Variants in SPNS3 observed in about 807,000 individuals in gnomAD.
SPNS3 encodes protein spinster homolog 3.
A neutral mutation model predicts 54.4 loss-of-function variants in SPNS3; 51 were observed. The ratio of observed to expected loss-of-function variants is 0.94; its 90% CI spans 0.75 to 1.18. SPNS3 has a LOEUF of 1.18. Ranked by LOEUF, SPNS3 falls within the 50% of genes most tolerant of loss-of-function variation. The pLI is 0.00. For synonymous variants in SPNS3, 309 were observed against 294.7 expected (o/e 1.05, Z -0.50); for missense variants, 669 against 677.4 (o/e 0.99, Z 0.14).
intron 7 of SPNS3, among the ~76,000 whole-genome samples, chr17:4,450,007 C>T (rs1418425610): frequency 6.6e-6 from 1 of 152,044 alleles, no homozygotes; most frequent in Non-Finnish European, 1.5e-5. Flanking sequence ...CAAGGACATC[C>T]TTCAATCCTC....
chr17:4,486,077 G>A lies in SPNS3; in HGVS notation c.1180-151G>A. ...GCTTGATGTCTTGATGTTCTGGGGT[G>A]GGACTTTAGACCTTGGGGACCGTCG... On this transcript the variant is annotated intron_variant, in intron 9 of 11. Transcript: ENST00000355530. The surrounding 1 kb of genome is among the most constrained non-coding windows in gnomAD (Gnocchi z 5.5). The A allele has an allele frequency of 1.7e-6, 1 of 588,112 alleles. No individual in the cohort carries two copies. The highest frequency in any genetic ancestry group is 2.7e-5 in the South Asian group (1 of 37,026). The allele number at this position is 588,112 out of a possible 1,614,324, so 36.4% of individuals were successfully genotyped here. A position where few individuals can be genotyped will look rare whatever the true frequency, so the allele number is the denominator to read the frequency against.
intron 11 of SPNS3, among the ~76,000 whole-genome samples, chr17:4,487,192 G>T (rs1046183261): frequency 7.2e-6 from 1 of 139,490 alleles, no homozygotes. Context: ...AAAAAAAAAA[G>T]GGACAGGTAG....
chr17:4,447,684 C>G (rs1055444730), intron 5 of SPNS3, among the ~76,000 whole-genome samples: 1 of 152,142 alleles, frequency 6.6e-6, no homozygotes. Flanking sequence ...TGTTTGAAGG[C>G]TGCCCCAAGG....
At chr17:4,443,257 GAT>G (rs1970899859) in intron 2 of SPNS3, among the ~76,000 whole-genome samples, 1 of 152,130 alleles carries the variant, frequency 6.6e-6, no homozygotes, top group Non-Finnish European at 1.5e-5. Context: ...TTTTAGTAGA[GAT>G]GGGATTTTAC....
intron 8 of SPNS3, among the ~76,000 whole-genome samples, chr17:4,471,911 T>C (rs1971864961): frequency 1.3e-5 from 2 of 151,778 alleles, no homozygotes; most frequent in South Asian, 4.1e-4. Flanking sequence ...CAAGCTGGAG[T>C]GCAGTGGCAC....
chr17:4,449,896 G>T (rs190823265), intron 7 of SPNS3, among the ~76,000 whole-genome samples: 4 of 152,062 alleles, frequency 2.6e-5, no homozygotes, highest in African/African-American at 9.7e-5. Flanking sequence ...GCCCTCTCCC[G>T]CTTCCTGCCT....
chr17:4,481,314 G>T (rs1048905391), intron 9 of SPNS3, among the ~76,000 whole-genome samples: 5 of 151,992 alleles, frequency 3.3e-5, no homozygotes, highest in African/African-American at 1.2e-4. Context: ...GGCAGGAAGT[G>T]TGTGGGGACA....
At chr17:4,461,462 G>T (rs1971505685) in intron 8 of SPNS3, among the ~76,000 whole-genome samples, 1 of 139,880 alleles carries the variant, frequency 7.1e-6, no homozygotes. Context: ...GCCTCCCCAG[G>T]CATTAGGATT....
At position 4,446,159 on chromosome 17, in the gene SPNS3, C is replaced by T. The variant is rs141789307; in HGVS notation, c.514C>T (p.Arg172Cys). 213 of 1,613,076 alleles carry T rather than the reference C, an allele frequency of 1.3e-4. 5 individuals are homozygous for T. Among genetic ancestry groups the T allele is most frequent in the Middle Eastern group, 9.9e-4 (6 of 6,078 alleles). ...GDLFVRDQRT[R>C]VLAVFYIFIP... ...CCTCTTCGTGAGGGACCAGCGCACC[C>T]GCGTGCTGGCTGTCTTCTACATCTT... The change falls in exon 4 of 12, where the codon CGC becomes TGC. Residue 172 changes from arginine (R) to cysteine (C), a missense_variant. By Grantham distance (180) the Arg-to-Cys change is radical. Coordinates refer to ENST00000355530, the MANE Select transcript of SPNS3 (RefSeq NM_182538.5).
chr17:4,464,749 C>T (rs1461717128), intron 8 of SPNS3, among the ~76,000 whole-genome samples: 3 of 152,110 alleles, frequency 2.0e-5, no homozygotes, highest in Non-Finnish European at 4.4e-5. Context: ...GGCGCAATCT[C>T]GGCTCACTGC....
In SPNS3 at chr17:4,486,722, G is replaced by A; in HGVS notation, c.1450+139G>A. On this transcript the variant is annotated intron_variant, in intron 11 of 11. Transcript: ENST00000355530. This position sits in a 1 kb window ranked among gnomAD's most constrained non-coding sequence, Gnocchi z 5.5. ...TAGTACACCCCTGCTATGTACCAGGGAAGGTTGCAGATGCTGGGGAGTGAA... is the reference window on the plus strand; with the variant it reads ...TAGTACACCCCTGCTATGTACCAGGAAAGGTTGCAGATGCTGGGGAGTGAA... 2 of 914,074 alleles carry A rather than the reference G, an allele frequency of 2.2e-6. No homozygotes were observed. Among genetic ancestry groups the A allele is most frequent in the Non-Finnish European group, 3.2e-6 (2 of 627,850 alleles). The allele number at this position is 914,074 out of a possible 1,614,324, so 56.6% of individuals were successfully genotyped here.
chr17:4,469,118 T>C (rs1971785672), intron 8 of SPNS3, among the ~76,000 whole-genome samples: 1 of 149,096 alleles, frequency 6.7e-6, no homozygotes, highest in Non-Finnish European at 1.5e-5. Context: ...AGGTTCTTGC[T>C]CTGTCACCCA....
rs545875953 is a variant in SPNS3 at position 4,474,311 on chromosome 17, C to T, written c.1114-4261C>T. 3.7e-4 allele frequency among the ~76,000 whole-genome samples: 57 copies of T among 152,348 alleles called. 1 individual carries two copies. Among genetic ancestry groups the T allele is most frequent in the Admixed American group, 3.9e-4 (6 of 15,304 alleles). On this transcript the variant is annotated intron_variant, in intron 8 of 11. Transcript: ENST00000355530. Reference sequence around the variant, plus strand: ...CAGGTTGGCAAGTCCAGGGACAAAGCGTGCCAGACGGTGCAGCAGCTTGCT... The same window carrying T: ...CAGGTTGGCAAGTCCAGGGACAAAGTGTGCCAGACGGTGCAGCAGCTTGCT...
intron 9 of SPNS3, among the ~76,000 whole-genome samples, chr17:4,479,638 G>A (rs576261581): frequency 6.6e-6 from 1 of 152,378 alleles, no homozygotes; most frequent in African/African-American, 2.4e-5. Context: ...GCCTGGCACA[G>A]TCTGGTGCTG....
chr17:4,484,288 G>A (rs959936685), intron 9 of SPNS3, among the ~76,000 whole-genome samples: 1 of 152,112 alleles, frequency 6.6e-6, no homozygotes, highest in Non-Finnish European at 1.5e-5. Context: ...AATGTATACA[G>A]CAAGCATTCA....
chr17:4,458,293 G>A (rs1252141407), intron 8 of SPNS3, among the ~76,000 whole-genome samples: 1 of 152,070 alleles, frequency 6.6e-6, no homozygotes, highest in Non-Finnish European at 1.5e-5. Flanking sequence ...GAGCTAGCTA[G>A]CTTGCTTGCT....
intron 1 of SPNS3, among the ~76,000 whole-genome samples, chr17:4,437,786 T>C (rs527502850): frequency 3.8e-3 from 405 of 106,958 alleles, no homozygotes; most frequent in Non-Finnish European, 6.1e-3. Flanking sequence ...AAACAAAGAT[T>C]TCTTTTTTTT....
At chr17:4,447,808 G>C (rs925827518) in intron 5 of SPNS3, among the ~76,000 whole-genome samples, 2 of 152,134 alleles carry the variant, frequency 1.3e-5, no homozygotes, top group Non-Finnish European at 2.9e-5. Context: ...TCAGCTCTAG[G>C]ACAGCAAGTA....
intron 8 of SPNS3, among the ~76,000 whole-genome samples, chr17:4,461,657 G>C (rs187168017): frequency 6.6e-6 from 1 of 152,046 alleles, no homozygotes; most frequent in Non-Finnish European, 1.5e-5. Flanking sequence ...GAGGCAGTTG[G>C]ATTACATATG....
Sources: allele counts gnomAD v4.1 joint callset (sites outside exome capture counted in the v4.1 genomes callset), GRCh38; gene constraint gnomAD v4.1.1; non-coding constraint Gnocchi (gnomAD v3.1); transcripts MANE v1.5; gene names NCBI Gene and HGNC (gene_info 2026-07-23, HGNC 2026-07-21).